Variants in CNOT8 observed in about 807,000 individuals in gnomAD.
The protein encoded by CNOT8 is CCR4-NOT transcription complex subunit 8.
In CNOT8, 18 loss-of-function variants were observed where a neutral mutation model predicts 34.6. The observed-to-expected ratio is 0.52, with a 90% CI of 0.36 to 0.77. The LOEUF (loss-of-function observed/expected upper bound fraction) is 0.77, where lower values mean the gene tolerates loss of function less well. Ranked by LOEUF, CNOT8 falls within the 30% of genes least tolerant of loss-of-function variation. The pLI, the probability that CNOT8 is intolerant of heterozygous loss-of-function variation, is 0.00. For missense variants in CNOT8, 189 were observed against 347.9 expected (o/e 0.54, Z 3.63); for synonymous variants, 101 against 118.8 (o/e 0.85, Z 0.98).
intron 1 of CNOT8, among the ~76,000 whole-genome samples, chr5:154,861,217 C>T (rs1327631426): frequency 2.0e-5 from 3 of 152,196 alleles, no homozygotes; most frequent in African/African-American, 7.2e-5. Flanking sequence ...CACATTCATT[C>T]TGAACTTCTC....
intron 3 of CNOT8, among the ~76,000 whole-genome samples, chr5:154,868,127 C>G (rs546629244): frequency 6.6e-6 from 1 of 151,768 alleles, no homozygotes; most frequent in South Asian, 2.1e-4. Flanking sequence ...CTAGTAGAGA[C>G]GGGGTTTCAC....
intron 4 of CNOT8, among the ~76,000 whole-genome samples, chr5:154,871,512 A>G (rs1762476259): frequency 6.8e-6 from 1 of 147,340 alleles, no homozygotes; most frequent in Non-Finnish European, 1.5e-5. Context: ...GTGAGCCGAG[A>G]TCGTGCCATT....
At chr5:154,858,972 A>G (rs1761067826) in intron 1 of CNOT8, 2 of 152,072 alleles carry the variant, frequency 1.3e-5, no homozygotes, top group Non-Finnish European at 2.9e-5. Context: ...GGACTTTACA[A>G]AGCATCTCAT....
chr5:154,868,299 T>TC (rs1762121951), intron 3 of CNOT8, among the ~76,000 whole-genome samples: 6 of 142,380 alleles, frequency 4.2e-5, no homozygotes, highest in Admixed American at 2.9e-4. Context: ...GGTAATGTCT[T>TC]GCTTTGTCAC....
Position 154,870,838 on chromosome 5 carries a change from T to A in CNOT8, c.473+16T>A. 6.3e-7 allele frequency: 1 copy of A among 1,583,992 alleles called. No homozygotes were observed. Among genetic ancestry groups the A allele is most frequent in the South Asian group, 1.2e-5 (1 of 86,448 alleles). ...CATTTCATAGGTCAGTCCTAGGGAA[T>A]GTGTATTTCTCTCTCACTTTGGGCT... On this transcript the variant is annotated intron_variant, in intron 4 of 6. Coordinates refer to ENST00000285896, the MANE Select transcript of CNOT8 (RefSeq NM_001301073.2).
chr5:154,870,847 C>G, intron 4 of CNOT8, 25 bp downstream of exon 4: 1 of 1,580,896 alleles, frequency 6.3e-7, no homozygotes. Flanking sequence ...ATGTGTATTT[C>G]TCTCTCACTT....
intron 1 of CNOT8, among the ~76,000 whole-genome samples, chr5:154,862,630 ATTG>A (rs1761462915): frequency 6.6e-6 from 1 of 152,190 alleles, no homozygotes; most frequent in South Asian, 2.1e-4. Context: ...AGGCACTGGT[ATTG>A]TTTATTACCT....
At chr5:154,864,904 G>A (rs1378786803) in intron 2 of CNOT8, among the ~76,000 whole-genome samples, 1 of 152,156 alleles carries the variant, frequency 6.6e-6, no homozygotes, top group African/African-American at 2.4e-5. Context: ...AACTGGGTGT[G>A]GTGGTGTGCA....
intron 3 of CNOT8, among the ~76,000 whole-genome samples, chr5:154,866,627 G>A (rs893832764): frequency 3.3e-5 from 5 of 152,166 alleles, no homozygotes; most frequent in African/African-American, 1.2e-4. Context: ...ACTTGCAGCC[G>A]GGCGTGGTGG....
chr5:154,867,188 G>A (rs1213898145), intron 3 of CNOT8, among the ~76,000 whole-genome samples: 2 of 150,746 alleles, frequency 1.3e-5, no homozygotes, highest in African/African-American at 4.9e-5. Flanking sequence ...TTGAATTAAT[G>A]GATATATCTT....
rs1026260916 is a variant in CNOT8 at position 154,858,661 on chromosome 5, A to G, written c.-180A>G. The G allele has an allele frequency of 6.6e-6, 1 of 152,128 alleles. No homozygotes were observed. Among genetic ancestry groups the G allele is most frequent in the African/African-American group, 2.4e-5 (1 of 41,402 alleles). The allele number at this position is 152,128 out of a possible 1,614,324, so 9.4% of individuals were successfully genotyped here. A position where few individuals can be genotyped will look rare whatever the true frequency, so the allele number is the denominator to read the frequency against. On this transcript the variant is annotated 5_prime_UTR_variant, in exon 1 of 7. Coordinates refer to ENST00000285896, the MANE Select transcript of CNOT8 (RefSeq NM_001301073.2). The stretch of plus-strand genomic sequence containing the variant: ...TAGGAGCAGATCCGGGGTAGAGGGA[A>G]AAGAGCTCCGGGCCAGGGGCTGCCG...
intron 2 of CNOT8, 79 bp downstream of exon 2, chr5:154,863,474 G>A (rs1270076666): frequency 3.2e-5 from 32 of 1,014,068 alleles, no homozygotes; most frequent in Non-Finnish European, 3.7e-5. Context: ...GCTGGAGTGC[G>A]GTGGCTATTC....
intron 1 of CNOT8, among the ~76,000 whole-genome samples, chr5:154,862,350 G>A (rs776048729): frequency 1.1e-4 from 16 of 152,002 alleles, no homozygotes; most frequent in Admixed American, 3.3e-4. Context: ...TGCACCTATA[G>A]TCCCAGCTAC....
intron 3 of CNOT8, among the ~76,000 whole-genome samples, chr5:154,867,947 T>C (rs1002403256): frequency 9.3e-6 from 1 of 107,194 alleles, no homozygotes; most frequent in Non-Finnish European, 1.8e-5. Flanking sequence ...TTCCTTTTCT[T>C]TTTTTTTGAA....
chr5:154,876,601 T>C lies in CNOT8; in HGVS notation c.*1162T>C, dbSNP rs1262575476. ...ACAATTTCAAAAACCAAAACCCACT[T>C]TGGATTGGTGGAAGTAAAAACTGGT... On this transcript the variant is annotated 3_prime_UTR_variant, in exon 7 of 7. Coordinates refer to ENST00000285896, the MANE Select transcript of CNOT8 (RefSeq NM_001301073.2). 6.6e-6 allele frequency: 1 copy of C among 152,628 alleles called. No individual in the cohort carries two copies. Among genetic ancestry groups the C allele is most frequent in the Non-Finnish European group, 1.5e-5 (1 of 68,042 alleles). The allele number at this position is 152,628 out of a possible 1,614,324, so 9.5% of individuals were successfully genotyped here.
chr5:154,869,169 G>A (rs1162221514), intron 3 of CNOT8, among the ~76,000 whole-genome samples: 1 of 152,014 alleles, frequency 6.6e-6, no homozygotes, highest in African/African-American at 2.4e-5. Flanking sequence ...GCCCAGGCTG[G>A]AGTGTGATGG....
chr5:154,869,344 CCCG>C (rs1762230588), intron 3 of CNOT8, among the ~76,000 whole-genome samples: 1 of 151,466 alleles, frequency 6.6e-6, no homozygotes, highest in Non-Finnish European at 1.5e-5. Flanking sequence ...GTCTCGAACT[CCCG>C]ACCTCAGGTG....
chr5:154,870,871 A>G, intron 4 of CNOT8, 49 bp downstream of exon 4: 1 of 1,497,814 alleles, frequency 6.7e-7, no homozygotes, highest in Non-Finnish European at 9.1e-7. Context: ...GCTACACTGA[A>G]GCAGGGAATT....
chr5:154,867,916 T>C (rs1344301044), intron 3 of CNOT8: 2 of 154,240 alleles, frequency 1.3e-5, no homozygotes, highest in Non-Finnish European at 2.9e-5. Context: ...CTATGTAATA[T>C]ACAGAAATCA....
Sources: allele counts gnomAD v4.1 joint callset (sites outside exome capture counted in the v4.1 genomes callset), GRCh38; gene constraint gnomAD v4.1.1; transcripts MANE v1.5; gene names NCBI Gene and HGNC (gene_info 2026-07-23, HGNC 2026-07-21).